ANKRD11: variants seen among roughly 807,000 people sequenced by gnomAD.
The protein encoded by ANKRD11 is ankyrin repeat domain-containing protein 11.
In ANKRD11, 17 loss-of-function variants were observed where a neutral mutation model predicts 195.7. The observed-to-expected ratio is 0.09, with a 90% CI of 0.06 to 0.13. ANKRD11 has a LOEUF of 0.13. ANKRD11 is among the 10% of genes least tolerant of loss of function. The pLI, the probability that ANKRD11 is intolerant of heterozygous loss-of-function variation, is 1.00. For missense variants in ANKRD11, 3,735 were observed against 3,566.1 expected (o/e 1.05, Z -1.21); for synonymous variants, 1,953 against 1,528.1 (o/e 1.28, Z -6.49).
chr16:89,332,173 C>T (rs1269692158), intron 2 of ANKRD11, among the ~76,000 whole-genome samples: 1 of 152,050 alleles, frequency 6.6e-6, no homozygotes, highest in Non-Finnish European at 1.5e-5. Flanking sequence ...CCAGAAGCTG[C>T]AGAATGTGTC....
intron 1 of ANKRD11, among the ~76,000 whole-genome samples, chr16:89,468,957 A>G (rs2056976370): frequency 6.6e-6 from 1 of 152,360 alleles, no homozygotes; most frequent in African/African-American, 2.4e-5. Flanking sequence ...AAAGAAAACT[A>G]TAAAATTCAA....
intron 2 of ANKRD11, among the ~76,000 whole-genome samples, chr16:89,404,566 A>G (rs1262364832): frequency 2.0e-5 from 3 of 152,232 alleles, no homozygotes; most frequent in Non-Finnish European, 4.4e-5. Flanking sequence ...GCTTTTGAAA[A>G]CACTGTTGAC....
intron 1 of ANKRD11, among the ~76,000 whole-genome samples, chr16:89,449,041 C>T (rs951918872): frequency 5.3e-5 from 8 of 152,170 alleles, no homozygotes; most frequent in Non-Finnish European, 1.2e-4. Flanking sequence ...AAAGAAAATG[C>T]AAGAATAGAA....
intron 2 of ANKRD11, among the ~76,000 whole-genome samples, chr16:89,334,784 C>T (rs776164335): frequency 6.6e-5 from 10 of 152,282 alleles, no homozygotes; most frequent in Admixed American, 2.0e-4. Flanking sequence ...AGCCCACCCA[C>T]GTGTCCACCA....
In ANKRD11 at chr16:89,462,502, A is replaced by G. The variant is rs1597484319; in HGVS notation, c.-145+27743T>C. ...TGCCCGGCCGCCACCCCGTCTGGGA[A>G]GTGAGGAGCGTCTCTGCCTGGCCGC... On this transcript the variant is annotated intron_variant, in intron 1 of 12. Coordinates refer to ENST00000301030, the MANE Select transcript of ANKRD11 (RefSeq NM_013275.6). 2.0e-5 allele frequency among the ~76,000 whole-genome samples: 3 copies of G among 151,622 alleles called. No homozygotes were observed. In the East Asian group the frequency reaches 5.9e-4, roughly 30 times the overall value.
intron 2 of ANKRD11, among the ~76,000 whole-genome samples, chr16:89,344,067 G>T (rs1037822495): frequency 6.6e-6 from 1 of 152,112 alleles, no homozygotes; most frequent in Non-Finnish European, 1.5e-5. Context: ...TGCTCCCAGC[G>T]GAAGCTTTTG....
chr16:89,454,179 A>T (rs1027944632), intron 1 of ANKRD11, among the ~76,000 whole-genome samples: 2 of 152,122 alleles, frequency 1.3e-5, no homozygotes, highest in African/African-American at 4.8e-5. Context: ...CGCCACAACC[A>T]AGAGAGCCTG....
chr16:89,476,460 G>C (rs906914390), intron 1 of ANKRD11, among the ~76,000 whole-genome samples: 1 of 152,186 alleles, frequency 6.6e-6, no homozygotes, highest in Non-Finnish European at 1.5e-5. Context: ...ATCAACATCA[G>C]GAATAAATAC....
chr16:89,279,024 C>G lies in ANKRD11; in HGVS notation c.7470+48G>C, dbSNP rs376390555. 3 of 1,609,238 alleles carry G rather than the reference C, an allele frequency of 1.9e-6. No individual in the cohort carries two copies. Among genetic ancestry groups the G allele is most frequent in the Non-Finnish European group, 1.7e-6 (2 of 1,177,966 alleles). On this transcript the variant is annotated intron_variant, in intron 9 of 12. Coordinates refer to ENST00000301030, the MANE Select transcript of ANKRD11 (RefSeq NM_013275.6). The surrounding 1 kb of genome is among the most constrained non-coding windows in gnomAD (Gnocchi z 5.6). The stretch of plus-strand genomic sequence containing the variant: ...GGAAGCCGTGACTAGGGGCCCCAGA[C>G]GCATCCCAGAGAGAGAAGGCAGTGG...
At chr16:89,432,531 T>C (rs1004491153) in intron 1 of ANKRD11, among the ~76,000 whole-genome samples, 2 of 152,206 alleles carry the variant, frequency 1.3e-5, no homozygotes, top group Admixed American at 1.3e-4. Flanking sequence ...TTTTCTACTG[T>C]GTCCAGCTGG....
At chr16:89,445,393 T>G (rs538295081) in intron 1 of ANKRD11, among the ~76,000 whole-genome samples, 1 of 152,220 alleles carries the variant, frequency 6.6e-6, no homozygotes, top group African/African-American at 2.4e-5. Context: ...GGTCATCTCC[T>G]TGGGGCGTAA....
At chr16:89,344,170 T>G (rs2038830975) in intron 2 of ANKRD11, among the ~76,000 whole-genome samples, 1 of 152,228 alleles carries the variant, frequency 6.6e-6, no homozygotes, top group Non-Finnish European at 1.5e-5. Context: ...CGGGCAACCC[T>G]GGCTCAGGAC....
chr16:89,327,192 C>G (rs2037783752), intron 2 of ANKRD11, among the ~76,000 whole-genome samples: 1 of 152,200 alleles, frequency 6.6e-6, no homozygotes, highest in Admixed American at 6.5e-5. Flanking sequence ...CAACGTCACC[C>G]AGCATGCCAA....
At chr16:89,289,951 G>GGATGTT (rs1461495084) in intron 6 of ANKRD11, among the ~76,000 whole-genome samples, 19 of 152,244 alleles carry the variant, frequency 1.2e-4, no homozygotes, top group Non-Finnish European at 2.4e-4. Flanking sequence ...CATCGCTTGA[G>GGATGTT]CCCAGGAGTT....
At chr16:89,302,500 C>G (rs1299167880) in intron 4 of ANKRD11, among the ~76,000 whole-genome samples, 3 of 152,178 alleles carry the variant, frequency 2.0e-5, no homozygotes, top group African/African-American at 7.2e-5. Context: ...ATCTGCCCGC[C>G]TCGGCCTCCC....
At chr16:89,351,941 C>T (rs372665863) in intron 2 of ANKRD11, among the ~76,000 whole-genome samples, 2 of 152,200 alleles carry the variant, frequency 1.3e-5, no homozygotes, top group African/African-American at 4.8e-5. Flanking sequence ...GAGACAGTCT[C>T]ACTCTGTCGC....
chr16:89,300,551 A>G, intron 4 of ANKRD11: 1 of 283,574 alleles, frequency 3.5e-6, no homozygotes, highest in Non-Finnish European at 6.6e-6. Flanking sequence ...TCAACTTCAC[A>G]CACTTGTCGC....
At chr16:89,293,815 G>A (rs1009565591) in intron 4 of ANKRD11, among the ~76,000 whole-genome samples, 2 of 152,054 alleles carry the variant, frequency 1.3e-5, no homozygotes, top group African/African-American at 2.4e-5. Flanking sequence ...AAGTGCAGGC[G>A]TTGCCATGCT....
intron 2 of ANKRD11, chr16:89,392,792 G>A (rs2041255969): frequency 1.3e-5 from 2 of 149,416 alleles, no homozygotes; most frequent in Non-Finnish European, 3.0e-5. Flanking sequence ...AGTCCCCCAA[G>A]GCTGCTTTTC....
Sources: allele counts gnomAD v4.1 joint callset (sites outside exome capture counted in the v4.1 genomes callset), GRCh38; gene constraint gnomAD v4.1.1; non-coding constraint Gnocchi (gnomAD v3.1); transcripts MANE v1.5; gene names NCBI Gene and HGNC (gene_info 2026-07-23, HGNC 2026-07-21).